COL3A1: variants seen among roughly 807,000 people sequenced by gnomAD.
COL3A1 encodes collagen alpha-1(III) chain.
COL3A1 carries 46 observed loss-of-function variants against 200.9 expected under a neutral mutation model. The ratio of observed to expected loss-of-function variants is 0.23; its 90% CI spans 0.18 to 0.29. The LOEUF (loss-of-function observed/expected upper bound fraction) is 0.29. Among genes scored for constraint, COL3A1 ranks in the 10% least tolerant of loss-of-function variants. The probability of loss-of-function intolerance (pLI) is 1.00; values close to 1 mark genes in which losing one functional copy is unlikely to be tolerated. For synonymous variants in COL3A1, 650 were observed against 628.0 expected (o/e 1.03, Z -0.52); for missense variants, 1,367 against 1,917.6 (o/e 0.71, Z 5.36).
At chr2:188,978,144 TA>T in intron 1 of COL3A1, 1 of 254,498 alleles carries the variant, frequency 3.9e-6, no homozygotes, top group South Asian at 3.6e-5. Context: ...TTAAGTGATC[TA>T]AAGGCCTACA....
In COL3A1 at chr2:188,990,256, T is replaced by G. The variant is rs749486887; in HGVS notation, c.745-51T>G. ...AAACAGAAAGTGTTTTACTACTAGATTGTGATTCTATTTGAAGGTTCATTA... is the reference window on the plus strand; with the variant it reads ...AAACAGAAAGTGTTTTACTACTAGAGTGTGATTCTATTTGAAGGTTCATTA... On this transcript the variant is annotated intron_variant, in intron 9 of 50. Transcript: ENST00000304636. 8 of 1,586,410 alleles carry G rather than the reference T, an allele frequency of 5.0e-6. No homozygotes were observed. The Admixed American group carries it at 1.3e-4, about 27-fold the overall frequency.
Position 189,011,540 on chromosome 2 carries a change from A to C in COL3A1, c.4255-88A>C. 2.7e-6 allele frequency: 4 copies of C among 1,475,506 alleles called. No individual in the cohort carries two copies. In the South Asian group the frequency reaches 3.4e-5, roughly 13 times the overall value. 91.4% of individuals were successfully genotyped at this position (1,475,506 alleles called of 1,614,324 possible). A position where few individuals can be genotyped will look rare whatever the true frequency, so the allele number is the denominator to read the frequency against. On this transcript the variant is annotated intron_variant, in intron 50 of 50. Transcript: ENST00000304636. ...CATGGCACGATGAATGCTTCTTTAG[A>C]GTAAAAAGGTTTTCTTTAACTTGTT...
chr2:189,009,786 C>G (rs1688678726), intron 48 of COL3A1, among the ~76,000 whole-genome samples: 1 of 152,096 alleles, frequency 6.6e-6, no homozygotes. Flanking sequence ...AAATAGGAGA[C>G]AAGCATCAAT....
chr2:189,011,956 A>G lies in COL3A1; in HGVS notation c.*182A>G, dbSNP rs1688739811. 1.5e-6 allele frequency: 1 copy of G among 655,578 alleles called. No individual in the cohort carries two copies. The highest frequency in any genetic ancestry group is 2.8e-5 in the East Asian group (1 of 36,054). The allele number at this position is 655,578 out of a possible 1,614,324, so 40.6% of individuals were successfully genotyped here. Reference sequence around the variant, plus strand: ...TTCTCTTTTTTTGCTGTTCCACCAAATACAATTCAAATGCTTTTTGTTTTA... The same window carrying G: ...TTCTCTTTTTTTGCTGTTCCACCAAGTACAATTCAAATGCTTTTTGTTTTA... On this transcript the variant is annotated 3_prime_UTR_variant, in exon 51 of 51. Transcript: ENST00000304636.
chr2:188,994,957 T>A lies in COL3A1; in HGVS notation c.1456-89T>A, dbSNP rs1688271550. On this transcript the variant is annotated intron_variant, in intron 20 of 50. Coordinates refer to ENST00000304636, the MANE Select transcript of COL3A1 (RefSeq NM_000090.4). The surrounding 1 kb of genome is among the most constrained non-coding windows in gnomAD (Gnocchi z 4.5). ...TCAGTGAAAATATTGTTTAAAGCAT[T>A]CTATGACATAAAAATATTTGCCACT... The A allele has an allele frequency of 1.3e-6, 2 of 1,553,408 alleles. No homozygotes were observed. The highest frequency in any genetic ancestry group is 1.1e-5 in the South Asian group (1 of 89,840).
chr2:188,994,443 CTCTTG>C lies in COL3A1; in HGVS notation c.1294-93_1294-89del. 3 of 1,566,040 alleles carry C rather than the reference CTCTTG, an allele frequency of 1.9e-6. No homozygotes were observed. Among genetic ancestry groups the C allele is most frequent in the Non-Finnish European group, 2.6e-6 (3 of 1,137,834 alleles). On this transcript the variant is annotated intron_variant, in intron 18 of 50. Transcript: ENST00000304636. This position sits in a 1 kb window ranked among gnomAD's most constrained non-coding sequence, Gnocchi z 4.5. ...TTCAGTTGAATTTATATTGACTTCA[CTCTTG>C]TCTTATAACTTATAACTGAATTATG...
Position 188,998,676 on chromosome 2 carries a change from T to C in COL3A1, c.1980T>C (p.Gly660=), listed in dbSNP as rs1553508597. 4 of 1,613,864 alleles carry C rather than the reference T, an allele frequency of 2.5e-6. No individual in the cohort carries two copies. The highest frequency in any genetic ancestry group is 3.4e-6 in the Non-Finnish European group (4 of 1,179,846). ...ATCATATAATGCCAATCTCCCAGGG[T>C]CCAAAGGGTGATGCCGGTGCACCTG... ...PGENGKPGEP[G]PKGDAGAPGA... is the part of the protein sequence containing the mutation. The change falls in exon 29 of 51, where the codon GGT becomes GGC. Residue 660 remains glycine, a splice_region_variant and synonymous_variant. Coordinates refer to ENST00000304636, the MANE Select transcript of COL3A1 (RefSeq NM_000090.4).
chr2:189,004,385 C>T (rs1688542538), intron 40 of COL3A1, 21 bp downstream of exon 40: 2 of 1,563,718 alleles, frequency 1.3e-6, no homozygotes, highest in Admixed American at 3.8e-5. Flanking sequence ...TCATTTTCCA[C>T]TACACTCTTC....
In COL3A1 at chr2:188,999,546, G is replaced by A; in HGVS notation, c.2198G>A (p.Gly733Asp). 6.2e-7 allele frequency: 1 copy of A among 1,613,836 alleles called. No individual in the cohort carries two copies. The highest frequency in any genetic ancestry group is 8.5e-7 in the Non-Finnish European group (1 of 1,180,022). Residue 733 changes from glycine to aspartate, a missense_variant, in exon 31 of 51, where the codon GGT (glycine) becomes GAT (aspartate). Physicochemically the swap from Gly to Asp is moderately conservative, Grantham distance 94 (BLOSUM62 -1). This residue lies in a region of COL3A1 where 846 missense variants were observed against 1,147.9 expected (regional missense o/e 0.74). Transcript: ENST00000304636. ...GLQGMPGERG[G>D]LGSPGPKGDK... The stretch of plus-strand genomic sequence containing the variant: ...CAAGGAATGCCTGGAGAAAGAGGAG[G>A]TCTTGGAAGTCCTGGTCCAAAGGGT...
intron 23 of COL3A1, 73 bp from the exon 24 acceptor site, chr2:188,996,306 ACACACACACACACACACAC>A (rs1688315985): frequency 1.4e-6 from 1 of 695,456 alleles, no homozygotes; most frequent in African/African-American, 3.5e-5. Context: ...CTATATATAT[ACACACACACACACACACAC>A]ACATACTATA....
At chr2:189,011,579 C>T in intron 50 of COL3A1, 49 bp from the exon 51 acceptor site, 1 of 1,611,076 alleles carries the variant, frequency 6.2e-7, no homozygotes, top group Non-Finnish European at 8.5e-7. Flanking sequence ...TCAGAGTTGT[C>T]TAAGTAATTG....
intron 14 of COL3A1, 71 bp from the exon 15 acceptor site, chr2:188,992,816 A>G (rs1688215530): frequency 8.5e-7 from 1 of 1,170,944 alleles, no homozygotes; most frequent in Non-Finnish European, 1.3e-6. Flanking sequence ...ATATGTGCTC[A>G]CTTATTTACT....
chr2:189,003,125 CTA>C, intron 36 of COL3A1, 63 bp downstream of exon 36: 1 of 1,279,206 alleles, frequency 7.8e-7, no homozygotes, highest in South Asian at 1.3e-5. Flanking sequence ...GATTATCTGT[CTA>C]TCTCTCCCTC....
intron 40 of COL3A1, 152 bp from the exon 41 acceptor site, chr2:189,005,198 A>G: frequency 2.8e-6 from 2 of 721,906 alleles, no homozygotes; most frequent in Middle Eastern, 4.0e-4. Flanking sequence ...GCTCCCCCAT[A>G]TTTTTTCCCA....
rs1688745114 is a variant in COL3A1 at position 189,012,273 on chromosome 2, T to G, written c.*499T>G. 6.5e-6 allele frequency: 1 copy of G among 153,230 alleles called. No homozygotes were observed. The highest frequency in any genetic ancestry group is 6.5e-5 in the Admixed American group (1 of 15,358). 9.5% of individuals were successfully genotyped at this position (153,230 alleles called of 1,614,324 possible). A position where few individuals can be genotyped will look rare whatever the true frequency, so the allele number is the denominator to read the frequency against. On this transcript the variant is annotated 3_prime_UTR_variant, in exon 51 of 51. Coordinates refer to ENST00000304636, the MANE Select transcript of COL3A1 (RefSeq NM_000090.4). ...CGTTGATAAAACTTATAAATTTCAT[T>G]GATTAATCTCCTGGAAGATTGGTTT...
chr2:189,010,221 T>C lies in COL3A1; in HGVS notation c.3867T>C (p.Ala1289=). The change falls in exon 49 of 51, where the codon GCT becomes GCC. Residue 1289 remains alanine (A), a synonymous_variant. Transcript: ENST00000304636. Reference sequence around the variant, plus strand: ...CTAACCAAGGATGCAAATTGGATGCTATCAAGGTATTCTGTAATATGGAAA... The same window carrying C: ...CTAACCAAGGATGCAAATTGGATGCCATCAAGGTATTCTGTAATATGGAAA... ...VDPNQGCKLD[A]IKVFCNMETG... is the part of the protein sequence containing the mutation. 1 of 1,614,178 alleles carries C rather than the reference T, an allele frequency of 6.2e-7. No homozygotes were observed. The highest frequency in any genetic ancestry group is 1.1e-5 in the South Asian group (1 of 91,086).
In COL3A1 at chr2:188,995,791, G is replaced by A; in HGVS notation, c.1608+1G>A. 1 of 1,555,212 alleles carries A rather than the reference G, an allele frequency of 6.4e-7. No homozygotes were observed. Among genetic ancestry groups the A allele is most frequent in the Non-Finnish European group, 8.7e-7 (1 of 1,148,012 alleles). ...CGTCCCTGGAGGTCCAGGAATGAGG[G>A]TACAGAGAAACATTTGTTTGAATGA... is the stretch of plus-strand genomic sequence containing the variant. On this transcript the variant is annotated splice_donor_variant, in intron 22 of 50. Coordinates refer to ENST00000304636, the MANE Select transcript of COL3A1 (RefSeq NM_000090.4). LOFTEE classifies it high-confidence loss of function.
intron 1 of COL3A1, among the ~76,000 whole-genome samples, chr2:188,980,129 T>G (rs1687918979): frequency 1.3e-5 from 2 of 151,660 alleles, no homozygotes; most frequent in African/African-American, 4.8e-5. Flanking sequence ...ATGTAAAATT[T>G]TATTTATAAG....
At chr2:188,984,993 A>G (rs764883133) in intron 2 of COL3A1, 31 bp downstream of exon 2, 12 of 1,596,942 alleles carry the variant, frequency 7.5e-6, no homozygotes, top group South Asian at 2.2e-5. Context: ...TACATCTTCA[A>G]TATTCATATT....
Sources: allele counts gnomAD v4.1 joint callset (sites outside exome capture counted in the v4.1 genomes callset), GRCh38; gene constraint gnomAD v4.1.1; regional missense constraint gnomAD v4.1.1; non-coding constraint Gnocchi (gnomAD v3.1); transcripts MANE v1.5; gene names NCBI Gene and HGNC (gene_info 2026-07-23, HGNC 2026-07-21).